The following TIAM2 variants were observed in gnomAD, a reference collection of about 807,000 sequenced individuals.
The protein encoded by TIAM2 is rho guanine nucleotide exchange factor TIAM2.
TIAM2 carries 80 observed loss-of-function variants against 152.9 expected under a neutral mutation model. That is an observed-to-expected ratio of 0.52 (90% CI 0.44 to 0.63). TIAM2 has a LOEUF of 0.63. Ranked by LOEUF, TIAM2 falls within the 30% of genes least tolerant of loss-of-function variation. TIAM2 has a pLI of 0.00. For synonymous variants in TIAM2, 804 were observed against 838.0 expected (o/e 0.96, Z 0.70); for missense variants, 1,965 against 2,120.1 (o/e 0.93, Z 1.44).
intron 1 of TIAM2, among the ~76,000 whole-genome samples, chr6:155,018,384 A>C (rs1778636343): frequency 1.3e-5 from 2 of 151,962 alleles, no homozygotes; most frequent in Non-Finnish European, 2.9e-5. Flanking sequence ...TGTAGATTAC[A>C]GTGGCCAGGT....
intron 2 of TIAM2, among the ~76,000 whole-genome samples, chr6:155,122,420 G>A (rs1170299573): frequency 4.7e-5 from 7 of 148,990 alleles, no homozygotes; most frequent in African/African-American, 1.8e-4. Context: ...TTGGGGATTA[G>A]GAGGGAATGG....
intron 9 of TIAM2, among the ~76,000 whole-genome samples, chr6:155,169,379 G>C (rs1780521788): frequency 6.6e-6 from 1 of 152,206 alleles, no homozygotes; most frequent in Non-Finnish European, 1.5e-5. Flanking sequence ...AATGGTCCCA[G>C]TAGGTATTCT....
chr6:155,049,548 C>T (rs1777275657), intron 1 of TIAM2, among the ~76,000 whole-genome samples: 1 of 152,144 alleles, frequency 6.6e-6, no homozygotes. Flanking sequence ...TCTGACTTTA[C>T]TTGCAGCTAA....
intron 2 of TIAM2, among the ~76,000 whole-genome samples, chr6:155,109,125 A>C (rs1778770391): frequency 1.3e-5 from 2 of 151,962 alleles, no homozygotes; most frequent in Admixed American, 6.6e-5. Context: ...CTGGGACTAC[A>C]GGCGCCCACC....
chr6:155,169,898 A>C (rs1270812727), intron 9 of TIAM2, among the ~76,000 whole-genome samples: 1 of 152,038 alleles, frequency 6.6e-6, no homozygotes, highest in Non-Finnish European at 1.5e-5. Flanking sequence ...GGCTCACTGA[A>C]ACCTCTGCCT....
intron 1 of TIAM2, among the ~76,000 whole-genome samples, chr6:155,081,825 T>C (rs542984607): frequency 2.6e-4 from 39 of 152,330 alleles, no homozygotes; most frequent in African/African-American, 8.9e-4. Context: ...CCTGACTTTC[T>C]CTTAAGGAGC....
intron 1 of TIAM2, among the ~76,000 whole-genome samples, chr6:155,042,451 C>G (rs1777069061): frequency 6.6e-6 from 1 of 152,112 alleles, no homozygotes; most frequent in Non-Finnish European, 1.5e-5. Flanking sequence ...CAAAAATTAG[C>G]CAGGCATGGT....
chr6:155,251,997 G>A lies in TIAM2; in HGVS notation c.4113G>A (p.Lys1371=). Residue 1371 remains lysine (K), a synonymous_variant, in exon 23 of 27, where the codon AAG becomes AAA. Coordinates refer to ENST00000682666, the MANE Select transcript of TIAM2 (RefSeq NM_012454.4). ...ATAAAGAAAACTGCAAACTGAAAAA[G>A]AAATTGGTAAGGCAAAAATTCATTT... ...LVYKENCKLK[K]KLPSNSRPAH... 6.2e-7 allele frequency: 1 copy of A among 1,604,906 alleles called. No homozygotes were observed. Among genetic ancestry groups the A allele is most frequent in the South Asian group, 1.1e-5 (1 of 89,594 alleles).
At chr6:155,239,855 C>T (rs1055493756) in intron 15 of TIAM2, among the ~76,000 whole-genome samples, 2 of 152,206 alleles carry the variant, frequency 1.3e-5, no homozygotes, top group African/African-American at 4.8e-5. Context: ...GTCCTCTGCT[C>T]CCTGCCTGTG....
chr6:155,048,626 A>G (rs1318594441), intron 1 of TIAM2, among the ~76,000 whole-genome samples: 1 of 152,108 alleles, frequency 6.6e-6, no homozygotes, highest in Non-Finnish European at 1.5e-5. Context: ...TGGTGGCTCG[A>G]GGATGAGGAA....
At chr6:155,168,938 C>T (rs896322669) in intron 9 of TIAM2, 27 of 1,508,560 alleles carry the variant, frequency 1.8e-5, no homozygotes, top group Middle Eastern at 1.7e-4. Context: ...TATAGATGGC[C>T]GCCATCTTGT....
chr6:155,133,218 G>T (rs185544560), intron 4 of TIAM2, among the ~76,000 whole-genome samples: 3 of 152,150 alleles, frequency 2.0e-5, no homozygotes, highest in Non-Finnish European at 4.4e-5. Context: ...ATGCTGGCAT[G>T]TGCCTGTTAG....
At chr6:155,109,259 C>G (rs960170077) in intron 2 of TIAM2, among the ~76,000 whole-genome samples, 1 of 152,164 alleles carries the variant, frequency 6.6e-6, no homozygotes, top group Non-Finnish European at 1.5e-5. Flanking sequence ...GCTGGGATTA[C>G]AGGTGTGAGC....
rs373420519 is a variant in TIAM2, at chr6:155,218,736, GAACA to G, written c.3168+7432_3168+7435del. 1.3e-5 allele frequency among the ~76,000 whole-genome samples: 2 copies of G among 152,318 alleles called. No individual in the cohort carries two copies. The highest frequency in any genetic ancestry group is 3.9e-4 in the East Asian group (2 of 5,182). ...GAGATTCGATGTCAGGTAGGAAACT[GAACA>G]AATAGATGAGCACCTCAATAAAATG... is the stretch of plus-strand genomic sequence containing the variant. On this transcript the variant is annotated intron_variant, in intron 15 of 26. Coordinates refer to ENST00000682666, the MANE Select transcript of TIAM2 (RefSeq NM_012454.4). This position sits in a 1 kb window ranked among gnomAD's most constrained non-coding sequence, Gnocchi z 4.5.
rs540991195 is a variant in TIAM2, at chr6:155,218,711, G to T, written c.3168+7404G>T. 1.3e-5 allele frequency among the ~76,000 whole-genome samples: 2 copies of T among 152,322 alleles called. No homozygotes were observed. Among genetic ancestry groups the T allele is most frequent in the Admixed American group, 6.5e-5 (1 of 15,296 alleles). On this transcript the variant is annotated intron_variant, in intron 15 of 26. Coordinates refer to ENST00000682666, the MANE Select transcript of TIAM2 (RefSeq NM_012454.4). This position sits in a 1 kb window ranked among gnomAD's most constrained non-coding sequence, Gnocchi z 4.5. Reference sequence around the variant, plus strand: ...TGCTCACCTAATGGCCTCTTGAGCTGAGATTCGATGTCAGGTAGGAAACTG... The same window carrying T: ...TGCTCACCTAATGGCCTCTTGAGCTTAGATTCGATGTCAGGTAGGAAACTG...
At chr6:155,111,298 T>TACACACAC (rs57988099) in intron 2 of TIAM2, among the ~76,000 whole-genome samples, 2,086 of 138,392 alleles carry the variant, frequency 0.015, 15 homozygotes, top group East Asian at 0.018. Flanking sequence ...ATTCTTGGAA[T>TACACACAC]ACACACACAC....
At chr6:155,197,304 G>A (rs1039807877) in intron 14 of TIAM2, among the ~76,000 whole-genome samples, 11 of 152,318 alleles carry the variant, frequency 7.2e-5, no homozygotes, top group African/African-American at 2.6e-4. Context: ...GAATGGCCAT[G>A]CCATTCTTTT....
chr6:155,124,051 C>T (rs575288458), intron 2 of TIAM2, among the ~76,000 whole-genome samples: 67 of 152,274 alleles, frequency 4.4e-4, no homozygotes, highest in African/African-American at 1.4e-3. Context: ...AGTCTTGCTG[C>T]GTCTGTCACC....
At chr6:155,028,896 A>G (rs988973271) in intron 1 of TIAM2, among the ~76,000 whole-genome samples, 2 of 110,178 alleles carry the variant, frequency 1.8e-5, no homozygotes, top group African/African-American at 7.4e-5. Flanking sequence ...TACACTGTAT[A>G]TACTATCTAT....
Sources: gnomAD v4.1 joint callset for allele counts (sites outside exome capture counted in the v4.1 genomes callset) on GRCh38, gnomAD v4.1.1 for gene constraint, Gnocchi (gnomAD v3.1) non-coding constraint, MANE v1.5 for transcripts, NCBI Gene and HGNC (gene_info 2026-07-23, HGNC 2026-07-21) for gene names.